Variants in NSD3 observed in about 807,000 individuals in gnomAD.
NSD3 encodes the protein histone-lysine N-methyltransferase NSD3.
A neutral mutation model predicts 160.8 loss-of-function variants in NSD3; 24 were observed. That is an observed-to-expected ratio of 0.15 (90% CI 0.11 to 0.21). NSD3 has a LOEUF of 0.21. Ranked by LOEUF, NSD3 falls within the 10% of genes least tolerant of loss-of-function variation. The pLI, the probability that NSD3 is intolerant of heterozygous loss-of-function variation, is 1.00. For synonymous variants in NSD3, 520 were observed against 600.0 expected, an observed-to-expected ratio of 0.87 and a Z score of 1.95; for missense variants, 1,157 against 1,735.9, an observed-to-expected ratio of 0.67 and a Z score of 5.93.
intron 1 of NSD3, among the ~76,000 whole-genome samples, chr8:38,367,316 C>T (rs985653702): frequency 1.1e-4 from 17 of 151,974 alleles, no homozygotes; most frequent in African/African-American, 4.1e-4. Flanking sequence ...AAAATGACCA[C>T]GAAAAATGGG....
In NSD3 at chr8:38,316,280, G is replaced by T; in HGVS notation, c.1856-238C>A. On this transcript the variant is annotated intron_variant, in intron 9 of 23. Transcript: ENST00000317025. The surrounding 1 kb of genome is among the most constrained non-coding windows in gnomAD (Gnocchi z 4.5). ...ATTTAATTCAGTTCTCCTCTCTAAAGCTATTTTCAGTCAACAGAGCCCACG... is the reference window on the plus strand; with the variant it reads ...ATTTAATTCAGTTCTCCTCTCTAAATCTATTTTCAGTCAACAGAGCCCACG... 2 of 927,268 alleles carry T rather than the reference G, an allele frequency of 2.2e-6. No individual in the cohort carries two copies. Among genetic ancestry groups the T allele is most frequent in the Non-Finnish European group, 1.4e-6 (1 of 710,306 alleles). 57.4% of individuals were successfully genotyped at this position (927,268 alleles called of 1,614,324 possible). A position where few individuals can be genotyped will look rare whatever the true frequency, so the allele number is the denominator to read the frequency against.
chr8:38,326,698 T>A, intron 7 of NSD3, 32 bp downstream of exon 7: 1 of 1,580,230 alleles, frequency 6.3e-7, no homozygotes, highest in Non-Finnish European at 8.6e-7. Context: ...TTTCTCAAAA[T>A]GGACCTATAT....
At chr8:38,360,931 G>T (rs1810944978) in intron 1 of NSD3, among the ~76,000 whole-genome samples, 1 of 152,124 alleles carries the variant, frequency 6.6e-6, no homozygotes. Flanking sequence ...ATCAACAGAA[G>T]TTACCCTTCC....
chr8:38,367,507 T>C (rs746142645), intron 1 of NSD3, among the ~76,000 whole-genome samples: 2 of 152,062 alleles, frequency 1.3e-5, no homozygotes, highest in Non-Finnish European at 2.9e-5. Flanking sequence ...AGGTCAGCAG[T>C]TCAAGACAAG....
intron 1 of NSD3, among the ~76,000 whole-genome samples, chr8:38,376,271 A>G (rs920024108): frequency 6.6e-6 from 1 of 152,156 alleles, no homozygotes; most frequent in Non-Finnish European, 1.5e-5. Flanking sequence ...TGCATGTAAA[A>G]ATATTTTATG....
intron 1 of NSD3, among the ~76,000 whole-genome samples, chr8:38,373,159 A>G (rs998058500): frequency 1.3e-5 from 2 of 152,094 alleles, no homozygotes; most frequent in African/African-American, 4.8e-5. Context: ...AGCTAAACCA[A>G]TGAGGTTGTC....
intron 1 of NSD3, among the ~76,000 whole-genome samples, chr8:38,357,922 C>A (rs1438837605): frequency 6.6e-6 from 1 of 152,106 alleles, no homozygotes; most frequent in Non-Finnish European, 1.5e-5. Context: ...ATGAGACTAA[C>A]AACTTAGCTC....
intron 23 of NSD3, among the ~76,000 whole-genome samples, 194 bp from the exon 24 acceptor site, chr8:38,276,076 G>A (rs1218756454): frequency 2.0e-5 from 3 of 152,122 alleles, no homozygotes; most frequent in Non-Finnish European, 2.9e-5. Flanking sequence ...AAAACCCAAC[G>A]CCACAGGTAC....
intron 1 of NSD3, among the ~76,000 whole-genome samples, chr8:38,355,886 A>T (rs1181665751): frequency 6.6e-6 from 1 of 152,220 alleles, no homozygotes; most frequent in East Asian, 1.9e-4. Flanking sequence ...ACAAATGAAA[A>T]ATCAAGGCCA....
chr8:38,300,394 C>T (rs1256162153), intron 14 of NSD3, among the ~76,000 whole-genome samples: 3 of 152,158 alleles, frequency 2.0e-5, no homozygotes, highest in Non-Finnish European at 4.4e-5. Flanking sequence ...TCTCTAACTT[C>T]TAGCCTTAAG....
intron 1 of NSD3, among the ~76,000 whole-genome samples, chr8:38,362,961 C>T (rs1398655966): frequency 5.3e-5 from 8 of 152,054 alleles, no homozygotes; most frequent in Admixed American, 1.3e-4. Flanking sequence ...TGGAATGTCA[C>T]GAGATATTTA....
intron 1 of NSD3, among the ~76,000 whole-genome samples, chr8:38,373,755 G>A (rs1811315023): frequency 6.6e-6 from 1 of 151,664 alleles, no homozygotes; most frequent in Non-Finnish European, 1.5e-5. Context: ...AGTGTTCAAG[G>A]CCAGCCAGGC....
intron 2 of NSD3, among the ~76,000 whole-genome samples, chr8:38,342,189 G>C (rs1810388581): frequency 6.6e-6 from 1 of 152,112 alleles, no homozygotes; most frequent in Admixed American, 6.5e-5. Flanking sequence ...AGTAAGAGAA[G>C]AAAAAGAATT....
intron 19 of NSD3, among the ~76,000 whole-genome samples, chr8:38,282,154 A>G (rs1309908469): frequency 2.0e-5 from 3 of 152,220 alleles, no homozygotes; most frequent in Admixed American, 1.3e-4. Flanking sequence ...CTCAGATTTT[A>G]CCAATTTTAC....
chr8:38,279,516 A>T (rs1470100808), intron 21 of NSD3, 24 bp downstream of exon 21: 1 of 1,611,522 alleles, frequency 6.2e-7, no homozygotes. Flanking sequence ...GGAGGAAAGC[A>T]TGGGGAACGA....
intron 7 of NSD3, among the ~76,000 whole-genome samples, chr8:38,325,291 A>G (rs1043449903): frequency 6.6e-6 from 1 of 152,216 alleles, no homozygotes; most frequent in African/African-American, 2.4e-5. Context: ...AAAACAAAGA[A>G]ACCCATATAT....
At chr8:38,340,956 A>C (rs1444067301) in intron 2 of NSD3, among the ~76,000 whole-genome samples, 1 of 151,202 alleles carries the variant, frequency 6.6e-6, no homozygotes, top group Non-Finnish European at 1.5e-5. Flanking sequence ...TGAGGCCAAG[A>C]GTTCAAGACC....
chr8:38,315,103 T>G (rs1445867168), intron 11 of NSD3, among the ~76,000 whole-genome samples: 2 of 152,220 alleles, frequency 1.3e-5, no homozygotes, highest in Non-Finnish European at 2.9e-5. Flanking sequence ...AAAGCAGTAT[T>G]TTTTCAAGAA....
Position 38,317,869 on chromosome 8 carries a change from A to G in NSD3, c.1855+1026T>C. On this transcript the variant is annotated intron_variant, in intron 9 of 23. Coordinates refer to ENST00000317025, the MANE Select transcript of NSD3 (RefSeq NM_023034.2). This position sits in a 1 kb window ranked among gnomAD's most constrained non-coding sequence, Gnocchi z 5.3. The stretch of plus-strand genomic sequence containing the variant: ...ATTGGCGAAATCAAAATCGAAAACA[A>G]AGAAACTGTTTATCAAGCCGCCGAC... 1 of 1,584,816 alleles carries G rather than the reference A, an allele frequency of 6.3e-7. No homozygotes were observed. The highest frequency in any genetic ancestry group is 8.6e-7 in the Non-Finnish European group (1 of 1,165,874).
Sources: allele counts gnomAD v4.1 joint callset (sites outside exome capture counted in the v4.1 genomes callset), GRCh38; gene constraint gnomAD v4.1.1; non-coding constraint Gnocchi (gnomAD v3.1); transcripts MANE v1.5; gene names NCBI Gene and HGNC (gene_info 2026-07-23, HGNC 2026-07-21).